ATP8A1: variants seen among roughly 807,000 people sequenced by gnomAD.
ATP8A1 encodes the protein ATPase phospholipid transporting 8A1.
In ATP8A1, 90 loss-of-function variants were observed where a neutral mutation model predicts 177.7. The ratio of observed to expected loss-of-function variants is 0.51; its 90% CI spans 0.43 to 0.60. ATP8A1 has a LOEUF of 0.60. Ranked by LOEUF, ATP8A1 falls within the 20% of genes least tolerant of loss-of-function variation. ATP8A1 has a pLI of 0.00. For missense variants in ATP8A1, 1,072 were observed against 1,392.8 expected, an observed-to-expected ratio of 0.77 and a Z score of 3.67; for synonymous variants, 493 against 485.9, an observed-to-expected ratio of 1.01 and a Z score of -0.19.
intron 22 of ATP8A1, among the ~76,000 whole-genome samples, chr4:42,510,567 G>A (rs1205223686): frequency 2.6e-5 from 4 of 151,722 alleles, no homozygotes; most frequent in African/African-American, 9.7e-5. Flanking sequence ...ATTAATACAA[G>A]CCCTCAAAAT....
chr4:42,512,603 G>T (rs1287506643), intron 22 of ATP8A1, among the ~76,000 whole-genome samples: 1 of 152,180 alleles, frequency 6.6e-6, no homozygotes, highest in African/African-American at 2.4e-5. Context: ...TTTTCTAACT[G>T]TACCTCCTTG....
chr4:42,496,883 A>G (rs1348497318), intron 24 of ATP8A1, among the ~76,000 whole-genome samples: 1 of 152,128 alleles, frequency 6.6e-6, no homozygotes, highest in African/African-American at 2.4e-5. Flanking sequence ...GTATTAGCAA[A>G]ATTAAATATG....
intron 6 of ATP8A1, chr4:42,594,305 C>G: frequency 6.2e-7 from 1 of 1,600,964 alleles, no homozygotes. Context: ...GAGAGAAGTA[C>G]AGTGTCAGCA....
chr4:42,530,652 C>T (rs1027886361), intron 20 of ATP8A1, among the ~76,000 whole-genome samples: 1 of 152,196 alleles, frequency 6.6e-6, no homozygotes, highest in African/African-American at 2.4e-5. Flanking sequence ...TTCCCATCAT[C>T]CTGAAGCAGC....
rs192183748 is a variant in ATP8A1 at position 42,612,319 on chromosome 4, A to T, written c.409+3714T>A. Among the ~76,000 whole-genome samples, 158 of 151,310 alleles carry T rather than the reference A, an allele frequency of 1.0e-3. No homozygotes were observed. The Middle Eastern group carries it at 0.024, about 23-fold the overall frequency. ...TGGTTCATTTACTCGTTCATTTAAC[A>T]TGCACACAGAGAGCACCTACTAAGA... On this transcript the variant is annotated intron_variant, in intron 5 of 36. Coordinates refer to ENST00000381668, the MANE Select transcript of ATP8A1 (RefSeq NM_006095.2).
intron 10 of ATP8A1, 119 bp from the exon 11 acceptor site, chr4:42,580,097 G>C: frequency 2.9e-6 from 2 of 687,018 alleles, no homozygotes; most frequent in Non-Finnish European, 4.5e-6. Flanking sequence ...GGGTGGATAC[G>C]TGAAAATTAT....
At chr4:42,598,069 T>C (rs561542365) in intron 6 of ATP8A1, among the ~76,000 whole-genome samples, 24 of 152,232 alleles carry the variant, frequency 1.6e-4, no homozygotes, top group Admixed American at 4.6e-4. Context: ...TGTTGTGTAT[T>C]TGTTTTAAAA....
chr4:42,463,900 T>C (rs1719441313), intron 27 of ATP8A1, among the ~76,000 whole-genome samples: 1 of 152,184 alleles, frequency 6.6e-6, no homozygotes, highest in African/African-American at 2.4e-5. Context: ...TTTTGAAACA[T>C]AATAGGAACA....
intron 22 of ATP8A1, among the ~76,000 whole-genome samples, chr4:42,520,222 A>G (rs937836715): frequency 6.6e-6 from 1 of 152,166 alleles, no homozygotes; most frequent in Non-Finnish European, 1.5e-5. Flanking sequence ...AAACAATTTA[A>G]TATGTTTAGA....
At chr4:42,524,311 T>C (rs1001742400) in intron 21 of ATP8A1, among the ~76,000 whole-genome samples, 4 of 152,170 alleles carry the variant, frequency 2.6e-5, no homozygotes, top group African/African-American at 9.7e-5. Context: ...GAATAACAAT[T>C]TTAATAGTTA....
At chr4:42,468,236 C>G (rs186528855) in intron 25 of ATP8A1, among the ~76,000 whole-genome samples, 2 of 152,008 alleles carry the variant, frequency 1.3e-5, no homozygotes, top group East Asian at 3.9e-4. Flanking sequence ...GGTATCTACC[C>G]AGAGGAAAAT....
intron 1 of ATP8A1, among the ~76,000 whole-genome samples, chr4:42,644,261 G>A (rs1471568748): frequency 6.6e-6 from 1 of 152,130 alleles, no homozygotes; most frequent in African/African-American, 2.4e-5. Flanking sequence ...AAGTTCAAGG[G>A]GGATTCAATT....
At chr4:42,480,219 A>G (rs1339977932) in intron 25 of ATP8A1, among the ~76,000 whole-genome samples, 5 of 152,172 alleles carry the variant, frequency 3.3e-5, no homozygotes, top group African/African-American at 1.2e-4. Context: ...TAATATAGCC[A>G]TTGCAGTTCC....
At chr4:42,431,247 T>C (rs1715268178) in intron 33 of ATP8A1, among the ~76,000 whole-genome samples, 1 of 152,176 alleles carries the variant, frequency 6.6e-6, no homozygotes, top group African/African-American at 2.4e-5. Context: ...AATAGTATAA[T>C]AATGCCTCTA....
intron 1 of ATP8A1, among the ~76,000 whole-genome samples, chr4:42,643,918 A>G (rs1056256074): frequency 2.6e-5 from 4 of 152,228 alleles, no homozygotes; most frequent in Non-Finnish European, 4.4e-5. Flanking sequence ...CCAATTATTT[A>G]TAGGGCATTA....
intron 13 of ATP8A1, among the ~76,000 whole-genome samples, chr4:42,574,980 C>T (rs994287988): frequency 6.0e-4 from 91 of 152,244 alleles, no homozygotes; most frequent in African/African-American, 2.0e-3. Flanking sequence ...CTAGAAAGTG[C>T]CACTACCACT....
intron 22 of ATP8A1, among the ~76,000 whole-genome samples, chr4:42,512,905 A>G (rs1341469846): frequency 6.6e-6 from 1 of 152,218 alleles, no homozygotes; most frequent in Non-Finnish European, 1.5e-5. Flanking sequence ...GTAAAAGGAC[A>G]GATGGTGAAT....
Position 42,636,143 on chromosome 4 carries a change from C to CAA in ATP8A1, c.50-9035_50-9034insTT, listed in dbSNP as rs796611118. Among the ~76,000 whole-genome samples, 55 of 41,458 alleles carry CAA rather than the reference C, an allele frequency of 1.3e-3. 1 individual carries two copies. In the South Asian group the frequency reaches 0.029, roughly 22 times the overall value. The allele number at this position is 41,458 out of a possible 152,430, so 27.2% of individuals were successfully genotyped here. A position where few individuals can be genotyped will look rare whatever the true frequency, so the allele number is the denominator to read the frequency against. On this transcript the variant is annotated intron_variant, in intron 1 of 36. Coordinates refer to ENST00000381668, the MANE Select transcript of ATP8A1 (RefSeq NM_006095.2). ...ATACACACACACACACACACACACA[C>CAA]ACACACACACACACGCACACACACA... is the stretch of plus-strand genomic sequence containing the variant.
intron 1 of ATP8A1, among the ~76,000 whole-genome samples, chr4:42,631,098 T>C (rs1040097179): frequency 5.3e-4 from 80 of 152,150 alleles, no homozygotes; most frequent in African/African-American, 1.6e-3. Flanking sequence ...CTCATAAAAA[T>C]GGGAGGCGGC....
Sources: allele counts gnomAD v4.1 joint callset (sites outside exome capture counted in the v4.1 genomes callset), GRCh38; gene constraint gnomAD v4.1.1; transcripts MANE v1.5; gene names NCBI Gene and HGNC (gene_info 2026-07-23, HGNC 2026-07-21).